Variants in KAT2B observed in about 807,000 individuals in gnomAD.
KAT2B encodes the protein histone acetyltransferase KAT2B.
Under a neutral mutation model 105.9 loss-of-function variants are expected in KAT2B, and 36 were observed. That is an observed-to-expected ratio of 0.34 (90% CI 0.26 to 0.45). KAT2B has a LOEUF of 0.45. KAT2B is among the 20% of genes least tolerant of loss of function. KAT2B has a pLI of 1.00. For missense variants in KAT2B, 820 were observed against 1,021.6 expected, an observed-to-expected ratio of 0.80 and a Z score of 2.69; for synonymous variants, 397 against 377.9, an observed-to-expected ratio of 1.05 and a Z score of -0.59.
chr3:20,087,038 C>T (rs543397686), intron 2 of KAT2B, among the ~76,000 whole-genome samples: 6 of 152,176 alleles, frequency 3.9e-5, no homozygotes, highest in Non-Finnish European at 5.9e-5. Flanking sequence ...CCTTGGCCTT[C>T]CAAAGTGCTG....
At position 20,150,642 on chromosome 3, in the gene KAT2B, G is replaced by GA. The variant is rs1227802268; in HGVS notation, c.2306-1684dup. ...TTTAACCCACCTCATTTTGTCAATT[G>GA]AAAAAACTCTACGAAGGCCAGAGGA... On this transcript the variant is annotated intron_variant, in intron 17 of 17. Coordinates refer to ENST00000263754, the MANE Select transcript of KAT2B (RefSeq NM_003884.5). 5.9e-5 allele frequency among the ~76,000 whole-genome samples: 9 copies of GA among 152,174 alleles called. No individual in the cohort carries two copies. In the South Asian group the frequency reaches 1.5e-3, roughly 25 times the overall value.
At chr3:20,047,377 C>T (rs1364598838) in intron 1 of KAT2B, among the ~76,000 whole-genome samples, 1 of 151,252 alleles carries the variant, frequency 6.6e-6, no homozygotes, top group Non-Finnish European at 1.5e-5. Context: ...TAGCCTAAAC[C>T]AATGCTTTTA....
intron 1 of KAT2B, among the ~76,000 whole-genome samples, chr3:20,042,740 G>GT (rs1448748372): frequency 5.3e-5 from 8 of 152,140 alleles, no homozygotes; most frequent in Non-Finnish European, 1.2e-4. Flanking sequence ...CTTTCCTGAA[G>GT]TTTTGGTTTT....
intron 17 of KAT2B, among the ~76,000 whole-genome samples, chr3:20,151,417 T>G (rs1384342356): frequency 1.3e-5 from 2 of 152,260 alleles, no homozygotes; most frequent in Middle Eastern, 6.8e-3. Flanking sequence ...TACTTATAAT[T>G]TGGGATATTG....
chr3:20,131,713 G>A (rs1263643270), intron 11 of KAT2B, among the ~76,000 whole-genome samples: 1 of 152,056 alleles, frequency 6.6e-6, no homozygotes. Flanking sequence ...GATCACAGAT[G>A]TGCACCACCA....
intron 17 of KAT2B, among the ~76,000 whole-genome samples, chr3:20,151,435 G>C (rs1407790845): frequency 1.3e-5 from 2 of 151,536 alleles, no homozygotes; most frequent in Admixed American, 6.6e-5. Flanking sequence ...TTGGTAGTCA[G>C]AAGTGGGGTT....
At chr3:20,047,205 G>A (rs932110862) in intron 1 of KAT2B, among the ~76,000 whole-genome samples, 8 of 151,354 alleles carry the variant, frequency 5.3e-5, no homozygotes, top group East Asian at 2.0e-4. Flanking sequence ...TTGGCCAGGC[G>A]CACGTCACCA....
chr3:20,095,464 TC>T (rs1698792744), intron 3 of KAT2B, 56 bp downstream of exon 3: 3 of 1,265,198 alleles, frequency 2.4e-6, no homozygotes, highest in Non-Finnish European at 3.4e-6. Flanking sequence ...GTACCCAGTC[TC>T]CATATGCCAG....
At position 20,099,845 on chromosome 3, in the gene KAT2B, T is replaced by A. The variant is rs747303391; in HGVS notation, c.577-17T>A. The stretch of plus-strand genomic sequence containing the variant: ...ATTAAGTTTTTCTTTTTCTTTTTTT[T>A]AATGATTTCTTTGCAGCTCTTGAGA... On this transcript the variant is annotated splice_polypyrimidine_tract_variant and intron_variant, in intron 3 of 17. Transcript: ENST00000263754. 13 of 1,411,072 alleles carry A rather than the reference T, an allele frequency of 9.2e-6. No homozygotes were observed. The Admixed American group carries it at 9.6e-5, about 10-fold the overall frequency. The allele number at this position is 1,411,072 out of a possible 1,614,324, so 87.4% of individuals were successfully genotyped here.
chr3:20,097,530 A>AT (rs1246885823), intron 3 of KAT2B, among the ~76,000 whole-genome samples: 2 of 126,250 alleles, frequency 1.6e-5, no homozygotes, highest in African/African-American at 6.2e-5. Context: ...AATGATTAAA[A>AT]TTTTTTTTTA....
At chr3:20,106,144 A>G (rs1332812206) in intron 5 of KAT2B, among the ~76,000 whole-genome samples, 1 of 152,234 alleles carries the variant, frequency 6.6e-6, no homozygotes, top group African/African-American at 2.4e-5. Context: ...CTGTGTTCAC[A>G]TTTTTAATTT....
intron 2 of KAT2B, among the ~76,000 whole-genome samples, chr3:20,090,462 A>T (rs1331030260): frequency 6.6e-6 from 1 of 152,184 alleles, no homozygotes; most frequent in Non-Finnish European, 1.5e-5. Flanking sequence ...AGAGATTACC[A>T]TATGATTTTT....
intron 6 of KAT2B, among the ~76,000 whole-genome samples, chr3:20,113,499 A>G (rs1056599399): frequency 6.6e-6 from 1 of 152,218 alleles, no homozygotes; most frequent in Non-Finnish European, 1.5e-5. Flanking sequence ...TGGCATGCTT[A>G]TGCTAGGAGC....
chr3:20,114,532 CT>C (rs34735719), intron 6 of KAT2B, among the ~76,000 whole-genome samples: 31,011 of 152,038 alleles, frequency 0.2, 4,078 homozygotes, highest in East Asian at 0.43. Flanking sequence ...ATATTAGTAA[CT>C]TTTATGATGG....
chr3:20,080,492 C>T (rs1224986276), intron 2 of KAT2B, among the ~76,000 whole-genome samples: 1 of 152,140 alleles, frequency 6.6e-6, no homozygotes, highest in Admixed American at 6.6e-5. Flanking sequence ...AATTATATAC[C>T]AATCTGTACT....
At chr3:20,051,773 C>T (rs148694038) in intron 1 of KAT2B, among the ~76,000 whole-genome samples, 11 of 152,294 alleles carry the variant, frequency 7.2e-5, no homozygotes, top group African/African-American at 1.7e-4. Flanking sequence ...ATGATGAGCT[C>T]GTTATTTAAT....
intron 1 of KAT2B, among the ~76,000 whole-genome samples, chr3:20,041,333 G>C (rs1697715943): frequency 6.6e-6 from 1 of 152,128 alleles, no homozygotes; most frequent in African/African-American, 2.4e-5. Flanking sequence ...CGAGGGTCTT[G>C]TGGTGCCTGG....
At chr3:20,144,794 CTTTT>C (rs752924532) in intron 13 of KAT2B, among the ~76,000 whole-genome samples, 2 of 150,060 alleles carry the variant, frequency 1.3e-5, no homozygotes, top group East Asian at 2.0e-4. Context: ...TCATTTCTTT[CTTTT>C]TCTTTTTTTT....
chr3:20,041,278 G>A (rs1248949780), intron 1 of KAT2B, among the ~76,000 whole-genome samples: 1 of 152,122 alleles, frequency 6.6e-6, no homozygotes, highest in East Asian at 1.9e-4. Context: ...TTGGGAAAGC[G>A]AAGGGGAGGA....
Sources: allele counts gnomAD v4.1 joint callset (sites outside exome capture counted in the v4.1 genomes callset), GRCh38; gene constraint gnomAD v4.1.1; transcripts MANE v1.5; gene names NCBI Gene and HGNC (gene_info 2026-07-23, HGNC 2026-07-21).